CDYL2: variants seen among roughly 807,000 people sequenced by gnomAD.
CDYL2 encodes chromodomain Y like 2, also known as chromodomain Y-like protein 2.
In CDYL2, 23 loss-of-function variants were observed where a neutral mutation model predicts 49.4. The observed-to-expected ratio is 0.47, with a 90% CI of 0.34 to 0.66. The LOEUF is 0.66. Among genes scored for constraint, CDYL2 ranks in the 30% least tolerant of loss-of-function variants. The pLI is 0.01. For missense variants in CDYL2, 678 were observed against 656.4 expected, an observed-to-expected ratio of 1.03 and a Z score of -0.36; for synonymous variants, 360 against 268.8, an observed-to-expected ratio of 1.34 and a Z score of -3.32.
chr16:80,703,037 C>T (rs1198489495), intron 1 of CDYL2, among the ~76,000 whole-genome samples: 1 of 152,018 alleles, frequency 6.6e-6, no homozygotes, highest in Non-Finnish European at 1.5e-5. Flanking sequence ...TATATATACA[C>T]ACATGAATCT....
chr16:80,752,406 T>C (rs938413309), intron 1 of CDYL2, among the ~76,000 whole-genome samples: 22 of 151,984 alleles, frequency 1.4e-4, no homozygotes, highest in African/African-American at 4.6e-4. Context: ...TAAAAGAACA[T>C]CGAGTCACAA....
chr16:80,797,467 A>G lies in CDYL2; in HGVS notation c.24+6683T>C, dbSNP rs562483713. Among the ~76,000 whole-genome samples, 6 of 152,252 alleles carry G rather than the reference A, an allele frequency of 3.9e-5. No homozygotes were observed. In the South Asian group the frequency reaches 1.2e-3, roughly 32 times the overall value. ...TTCAGCTACATGTGACCACATAACT[A>G]TCTTCAGGCCAGTAGAAGAAAGCAG... On this transcript the variant is annotated intron_variant, in intron 1 of 6. Transcript: ENST00000570137.
intron 1 of CDYL2, among the ~76,000 whole-genome samples, chr16:80,703,210 A>C (rs1310935587): frequency 1.3e-5 from 2 of 152,190 alleles, no homozygotes; most frequent in African/African-American, 4.8e-5. Flanking sequence ...AGTGTTAATT[A>C]TCTTCTTTAT....
chr16:80,736,957 T>A (rs149173505), intron 1 of CDYL2, among the ~76,000 whole-genome samples: 1 of 152,330 alleles, frequency 6.6e-6, no homozygotes. Flanking sequence ...GAAATTTATA[T>A]TACATGATGC....
chr16:80,786,941 G>C (rs903197626), intron 1 of CDYL2, among the ~76,000 whole-genome samples: 1 of 151,874 alleles, frequency 6.6e-6, no homozygotes, highest in Non-Finnish European at 1.5e-5. Flanking sequence ...CTAGGGGAGG[G>C]ATAACATTAG....
In CDYL2 at chr16:80,709,653, C is replaced by A. The variant is rs1192630949; in HGVS notation, c.25-24524G>T. Among the ~76,000 whole-genome samples the A allele has an allele frequency of 3.9e-5, 6 of 152,068 alleles. No individual in the cohort carries two copies. In the East Asian group the frequency reaches 1.2e-3, roughly 29 times the overall value. On this transcript the variant is annotated intron_variant, in intron 1 of 6. Coordinates refer to ENST00000570137, the MANE Select transcript of CDYL2 (RefSeq NM_152342.4). ...CCAAGCGAGTGTGTTCTGGACCACACTTGTGCACAACTTTCAGAAAAACCT... is the reference window on the plus strand; with the variant it reads ...CCAAGCGAGTGTGTTCTGGACCACAATTGTGCACAACTTTCAGAAAAACCT...
chr16:80,744,117 G>C (rs148734763), intron 1 of CDYL2, among the ~76,000 whole-genome samples: 233 of 152,288 alleles, frequency 1.5e-3, no homozygotes, highest in African/African-American at 5.3e-3. Context: ...CTGAAGCACA[G>C]AGAAGTTAGA....
chr16:80,693,907 C>T (rs145732419), intron 1 of CDYL2, among the ~76,000 whole-genome samples: 1 of 152,320 alleles, frequency 6.6e-6, no homozygotes, highest in African/African-American at 2.4e-5. Flanking sequence ...CACTGTATTA[C>T]AGATGTATGA....
In CDYL2 at chr16:80,612,560, C is replaced by G. The variant is rs1231421506; in HGVS notation, c.1218+66G>C. 2 of 1,468,444 alleles carry G rather than the reference C, an allele frequency of 1.4e-6. No homozygotes were observed. Among genetic ancestry groups the G allele is most frequent in the Non-Finnish European group, 1.8e-6 (2 of 1,087,308 alleles). The allele number at this position is 1,468,444 out of a possible 1,614,324, so 91.0% of individuals were successfully genotyped here. A position where few individuals can be genotyped will look rare whatever the true frequency, so the allele number is the denominator to read the frequency against. ...CTCAGGTTTCTAGCCCCATGAAGAGCCCCTAAACCCAAGGCAGAGGAAGGA... is the reference window on the plus strand; with the variant it reads ...CTCAGGTTTCTAGCCCCATGAAGAGGCCCTAAACCCAAGGCAGAGGAAGGA... On this transcript the variant is annotated intron_variant, in intron 5 of 6. Coordinates refer to ENST00000570137, the MANE Select transcript of CDYL2 (RefSeq NM_152342.4). The surrounding 1 kb of genome is among the most constrained non-coding windows in gnomAD (Gnocchi z 5.0).
chr16:80,726,303 C>T (rs1442294414), intron 1 of CDYL2, among the ~76,000 whole-genome samples: 1 of 151,938 alleles, frequency 6.6e-6, no homozygotes, highest in African/African-American at 2.4e-5. Flanking sequence ...TTTTTAAAAC[C>T]AACAATGAAA....
chr16:80,712,215 A>ATATG (rs763194077), intron 1 of CDYL2, among the ~76,000 whole-genome samples: 15 of 128,356 alleles, frequency 1.2e-4, no homozygotes, highest in Admixed American at 3.9e-4. Flanking sequence ...ATATATATAT[A>ATATG]TCTCCAAACC....
intron 1 of CDYL2, among the ~76,000 whole-genome samples, chr16:80,791,652 T>C (rs1050422995): frequency 6.6e-6 from 1 of 152,144 alleles, no homozygotes; most frequent in African/African-American, 2.4e-5. Context: ...TAACGGACAG[T>C]GTCCCAGTCA....
rs1906110772 is a variant in CDYL2 at position 80,602,043 on chromosome 16, T to C, written c.*2345A>G. On this transcript the variant is annotated 3_prime_UTR_variant, in exon 7 of 7. Coordinates refer to ENST00000570137, the MANE Select transcript of CDYL2 (RefSeq NM_152342.4). ...ACCCCACTTCAACCGATGCTGAATATAACTGCGCCCAATCAGAAGTTCAAC... is the reference window on the plus strand; with the variant it reads ...ACCCCACTTCAACCGATGCTGAATACAACTGCGCCCAATCAGAAGTTCAAC... 1 of 152,186 alleles carries C rather than the reference T, an allele frequency of 6.6e-6. No individual in the cohort carries two copies. The highest frequency in any genetic ancestry group is 1.5e-5 in the Non-Finnish European group (1 of 68,038). The allele number at this position is 152,186 out of a possible 1,614,324, so 9.4% of individuals were successfully genotyped here. A position where few individuals can be genotyped will look rare whatever the true frequency, so the allele number is the denominator to read the frequency against.
intron 1 of CDYL2, among the ~76,000 whole-genome samples, chr16:80,782,093 C>A (rs1231378821): frequency 4.0e-5 from 6 of 151,432 alleles, no homozygotes; most frequent in Non-Finnish European, 5.9e-5. Flanking sequence ...TCAAAGAAAC[C>A]AAAGTCTATT....
chr16:80,703,869 A>G (rs566505393), intron 1 of CDYL2, among the ~76,000 whole-genome samples: 1 of 152,302 alleles, frequency 6.6e-6, no homozygotes, highest in South Asian at 2.1e-4. Flanking sequence ...CGTTAGCATC[A>G]AACTTTGCAC....
intron 3 of CDYL2, among the ~76,000 whole-genome samples, chr16:80,621,817 C>G: frequency 6.6e-6 from 1 of 152,124 alleles, no homozygotes; most frequent in East Asian, 1.9e-4. Context: ...ATTTTTAGGT[C>G]TCTATGACCT....
chr16:80,727,365 C>T (rs568768713), intron 1 of CDYL2, among the ~76,000 whole-genome samples: 6 of 152,222 alleles, frequency 3.9e-5, no homozygotes, highest in African/African-American at 7.2e-5. Flanking sequence ...GGGTCACTCC[C>T]ACCCGAATAC....
chr16:80,719,594 A>G (rs1020686637), intron 1 of CDYL2, among the ~76,000 whole-genome samples: 1 of 152,198 alleles, frequency 6.6e-6, no homozygotes, highest in African/African-American at 2.4e-5. Context: ...CATGGGGCCT[A>G]GCCAACAACT....
chr16:80,697,090 T>C (rs1904279828), intron 1 of CDYL2, among the ~76,000 whole-genome samples: 1 of 152,142 alleles, frequency 6.6e-6, no homozygotes, highest in African/African-American at 2.4e-5. Context: ...CAGTGTCATC[T>C]TGACACCAAA....
Sources: gnomAD v4.1 joint callset for allele counts (sites outside exome capture counted in the v4.1 genomes callset) on GRCh38, gnomAD v4.1.1 for gene constraint, Gnocchi (gnomAD v3.1) non-coding constraint, MANE v1.5 for transcripts, NCBI Gene and HGNC (gene_info 2026-07-23, HGNC 2026-07-21) for gene names.